The following TPRX2 variants were observed in gnomAD, a reference collection of about 807,000 sequenced individuals.
TPRX2 encodes the protein tetrapeptide repeat homeobox protein 2.
At chr19:47,860,598 C>A in the TPRX2 span, among the ~76,000 whole-genome samples, 1 of 151,434 alleles carries the variant, frequency 6.6e-6, no homozygotes, top group Non-Finnish European at 1.5e-5. Context: ...CGGCTCCTCC[C>A]CTCCCACCCC....
At chr19:47,861,159 G>A in the TPRX2 span, 2 of 686,052 alleles carry the variant, frequency 2.9e-6, no homozygotes, top group Non-Finnish European at 2.7e-6. Flanking sequence ...CCCAGTCCCA[G>A]GCCCAGCCCC....
the TPRX2 span, among the ~76,000 whole-genome samples, chr19:47,859,531 T>C: frequency 6.7e-6 from 1 of 148,256 alleles, no homozygotes; most frequent in African/African-American, 2.5e-5. Context: ...CGAGCCAACA[T>C]AGTGGAGACC....
At chr19:47,860,892 G>A in the TPRX2 span, 3 of 1,531,826 alleles carry the variant, frequency 2.0e-6, no homozygotes, top group Non-Finnish European at 1.7e-6. Context: ...AGGCCGAGGA[G>A]CCCGCGCTGC....
the TPRX2 span, chr19:47,860,994 T>G: frequency 8.7e-7 from 1 of 1,155,394 alleles, no homozygotes; most frequent in East Asian, 2.6e-5. Context: ...GCCGGGCCCC[T>G]GGGGAGTCCT....
At chr19:47,859,304 C>T in the TPRX2 span, among the ~76,000 whole-genome samples, 2 of 150,096 alleles carry the variant, frequency 1.3e-5, no homozygotes, top group Admixed American at 6.6e-5. Context: ...GGGGCCTGGG[C>T]TGATCCTGTG....
At chr19:47,860,824 C>G in the TPRX2 span, 3 of 1,538,232 alleles carry the variant, frequency 2.0e-6, no homozygotes, top group Middle Eastern at 2.2e-4. Context: ...AATCGCCGCG[C>G]CAAACTAGCT....
chr19:47,861,134 A>T, the TPRX2 span: 1 of 698,474 alleles, frequency 1.4e-6, no homozygotes, highest in Non-Finnish European at 2.6e-6. Flanking sequence ...TCCCAGGCCC[A>T]GCCCAGATCC....
At chr19:47,860,739 C>T in the TPRX2 span, 15 of 1,482,012 alleles carry the variant, frequency 1.0e-5, no homozygotes, top group Non-Finnish European at 1.3e-5. Flanking sequence ...CGCCCCCGAG[C>T]GGCTCACCCG....
chr19:47,860,189 G>T, the TPRX2 span: 6 of 1,465,248 alleles, frequency 4.1e-6, no homozygotes, highest in East Asian at 2.5e-5. Context: ...AGCAGAAAGT[G>T]CTAGAATTTT....
At chr19:47,860,726 C>T in the TPRX2 span, 1 of 1,456,220 alleles carries the variant, frequency 6.9e-7, no homozygotes, top group Non-Finnish European at 9.1e-7. Flanking sequence ...TTGAGGCCGG[C>T]GCCGCCCCCG....
chr19:47,861,205 C>T, the TPRX2 span: 7 of 618,744 alleles, frequency 1.1e-5, no homozygotes, highest in South Asian at 3.0e-5. Context: ...CTGTCAGTCT[C>T]GATCCCCGGT....
the TPRX2 span, chr19:47,861,096 C>G: frequency 1.4e-6 from 1 of 713,312 alleles, no homozygotes. Flanking sequence ...TGTCCCGGCT[C>G]CAGGCCCTGG....
chr19:47,861,437 G>A, the TPRX2 span: 6 of 719,240 alleles, frequency 8.3e-6, no homozygotes, highest in Middle Eastern at 2.8e-4. Context: ...TCTCCACCAC[G>A]ACGTCTCAGT....
chr19:47,860,783 T>G, the TPRX2 span: 3 of 1,536,606 alleles, frequency 2.0e-6, no homozygotes, highest in African/African-American at 4.1e-5. Flanking sequence ...ACCTTCTCCC[T>G]GTCCCCTCTG....
chr19:47,861,259 C>A, the TPRX2 span: 1 of 524,104 alleles, frequency 1.9e-6, no homozygotes, highest in Admixed American at 2.3e-5. Flanking sequence ...ATCCCAGACC[C>A]AGTCCTAGGC....
chr19:47,861,052 G>A, the TPRX2 span: 1 of 806,534 alleles, frequency 1.2e-6, no homozygotes. Context: ...ACCTGGGGTG[G>A]CCCTGAGTGT....
chr19:47,860,963 G>T, the TPRX2 span: 2 of 1,410,770 alleles, frequency 1.4e-6, no homozygotes, highest in Non-Finnish European at 1.9e-6. Flanking sequence ...CGCAGGGCAG[G>T]GGTTCCTGGA....
chr19:47,860,800 A>C, the TPRX2 span: 6 of 1,541,930 alleles, frequency 3.9e-6, no homozygotes, highest in Non-Finnish European at 5.2e-6. Context: ...TCTGCCCCCC[A>C]GGTGTGGTTC....
chr19:47,859,240 A>C, the TPRX2 span, among the ~76,000 whole-genome samples: 5 of 151,340 alleles, frequency 3.3e-5, no homozygotes, highest in Non-Finnish European at 7.4e-5. Flanking sequence ...ACAGATCAGG[A>C]CTCAGGATGC....
Sources: gnomAD v4.1 joint callset for allele counts (sites outside exome capture counted in the v4.1 genomes callset) on GRCh38, gnomAD v4.1.1 for gene constraint, MANE v1.5 for transcripts, NCBI Gene and HGNC (gene_info 2026-07-23, HGNC 2026-07-21) for gene names.